SLC24A2: variants seen among roughly 807,000 people sequenced by gnomAD.
The protein encoded by SLC24A2 is solute carrier family 24 member 2.
A neutral mutation model predicts 62.0 loss-of-function variants in SLC24A2; 36 were observed. That is an observed-to-expected ratio of 0.58 (90% CI 0.44 to 0.77). The LOEUF (loss-of-function observed/expected upper bound fraction) is 0.77, where lower values mean the gene tolerates loss of function less well. Among genes scored for constraint, SLC24A2 ranks in the 30% least tolerant of loss-of-function variants. The pLI, the probability that SLC24A2 is intolerant of heterozygous loss-of-function variation, is 0.00. For missense variants in SLC24A2, 846 were observed against 817.9 expected (o/e 1.03, Z -0.42); for synonymous variants, 358 against 294.0 (o/e 1.22, Z -2.23).
At chr9:20,260,845 C>CTTTTTTTTTTTTTTTTTTTT in the SLC24A2 span, among the ~76,000 whole-genome samples, 2 of 110,516 alleles carry the variant, frequency 1.8e-5, no homozygotes, top group African/African-American at 7.4e-5. Flanking sequence ...ACGTATCATT[C>CTTTTTTTTTTTTTTTTTTTT]TTTCTTTTTT....
rs1308540986 is a variant in SLC24A2 at position 19,632,905 on chromosome 9, A to G, written c.931-10606T>C. Among the ~76,000 whole-genome samples, 1 of 152,188 alleles carries G rather than the reference A, an allele frequency of 6.6e-6. No individual in the cohort carries two copies. Among genetic ancestry groups the G allele is most frequent in the Non-Finnish European group, 1.5e-5 (1 of 68,036 alleles). On this transcript the variant is annotated intron_variant, in intron 2 of 10. Coordinates refer to ENST00000341998, the MANE Select transcript of SLC24A2 (RefSeq NM_020344.4). This position sits in a 1 kb window ranked among gnomAD's most constrained non-coding sequence, Gnocchi z 4.5. ...GTAGCTTCATGTAACCACCACTGCA[A>G]TCAAGATAATTAACTATAACATCAT...
the SLC24A2 span, among the ~76,000 whole-genome samples, chr9:19,915,830 TATATG>T: frequency 6.6e-6 from 1 of 152,064 alleles, no homozygotes; most frequent in African/African-American, 2.4e-5. Context: ...ATTCTGGATA[TATATG>T]ATATATTATT....
intron 2 of SLC24A2, among the ~76,000 whole-genome samples, chr9:19,719,392 C>G (rs1301741947): frequency 1.3e-5 from 2 of 152,170 alleles, no homozygotes. Context: ...CTAGACTACT[C>G]CACATCATGT....
chr9:19,675,764 C>T (rs548037227), intron 2 of SLC24A2, among the ~76,000 whole-genome samples: 2 of 152,238 alleles, frequency 1.3e-5, no homozygotes, highest in South Asian at 2.1e-4. Flanking sequence ...TGGAAACCTA[C>T]CCCAGGCTGA....
the SLC24A2 span, among the ~76,000 whole-genome samples, chr9:20,013,398 C>T: frequency 6.6e-6 from 1 of 152,046 alleles, no homozygotes; most frequent in South Asian, 2.1e-4. Flanking sequence ...CTACACTATA[C>T]ACAAAAATCA....
chr9:20,211,145 G>C, the SLC24A2 span, among the ~76,000 whole-genome samples: 1 of 151,844 alleles, frequency 6.6e-6, no homozygotes, highest in South Asian at 2.1e-4. Flanking sequence ...ATAAGCATTT[G>C]CTATCCTGAT....
chr9:20,234,695 G>C, the SLC24A2 span, among the ~76,000 whole-genome samples: 1 of 151,874 alleles, frequency 6.6e-6, no homozygotes, highest in East Asian at 1.9e-4. Flanking sequence ...GCTCAGAGTA[G>C]TTTGATCATC....
chr9:19,961,648 A>G, the SLC24A2 span, among the ~76,000 whole-genome samples: 1 of 152,160 alleles, frequency 6.6e-6, no homozygotes, highest in Non-Finnish European at 1.5e-5. Context: ...TCTTCCTGTC[A>G]AGTGTGGATT....
the SLC24A2 span, among the ~76,000 whole-genome samples, chr9:20,208,278 T>G: frequency 1.3e-5 from 2 of 152,142 alleles, no homozygotes; most frequent in East Asian, 3.9e-4. Context: ...AGCAGGCATT[T>G]GCCAGCTTTA....
the SLC24A2 span, among the ~76,000 whole-genome samples, chr9:20,035,052 AC>A: frequency 0.014 from 2,132 of 152,224 alleles, 31 homozygotes; most frequent in Non-Finnish European, 0.02. Context: ...AGAAAAAAGT[AC>A]CATATTATTA....
chr9:19,906,515 T>A, the SLC24A2 span, among the ~76,000 whole-genome samples: 2 of 151,944 alleles, frequency 1.3e-5, no homozygotes, highest in Admixed American at 6.6e-5. Context: ...CAAAAAACCC[T>A]TCAAAAAATC....
chr9:19,804,198 C>T, the SLC24A2 span, among the ~76,000 whole-genome samples: 2 of 152,104 alleles, frequency 1.3e-5, no homozygotes, highest in African/African-American at 4.8e-5. Context: ...TTGTGTTGAA[C>T]TGGTAGATCA....
At chr9:19,586,714 G>C (rs1836382690) in intron 5 of SLC24A2, among the ~76,000 whole-genome samples, 2 of 152,152 alleles carry the variant, frequency 1.3e-5, no homozygotes, top group African/African-American at 4.8e-5. Context: ...CCAACTTACT[G>C]ATCGTGGCCG....
At chr9:19,562,824 C>G (rs1446775184) in intron 7 of SLC24A2, among the ~76,000 whole-genome samples, 3 of 152,102 alleles carry the variant, frequency 2.0e-5, no homozygotes, top group Non-Finnish European at 4.4e-5. Context: ...CCAATCTAGG[C>G]TGGATTATGG....
Position 19,512,432 on chromosome 9 carries a change from A to T in SLC24A2, c.*3721T>A, listed in dbSNP as rs1203135632. 7 of 152,268 alleles carry T rather than the reference A, an allele frequency of 4.6e-5. No individual in the cohort carries two copies. Among genetic ancestry groups the T allele is most frequent in the Non-Finnish European group, 1.0e-4 (7 of 68,084 alleles). 9.4% of individuals were successfully genotyped at this position (152,268 alleles called of 1,614,324 possible). On this transcript the variant is annotated 3_prime_UTR_variant, in exon 11 of 11. Transcript: ENST00000341998. ...ATCTGCCGAGGGTATAAACAACCCT[A>T]TCCCTTAGTCCCTGCATATATCATT...
At chr9:19,988,190 C>G in the SLC24A2 span, among the ~76,000 whole-genome samples, 2 of 152,100 alleles carry the variant, frequency 1.3e-5, no homozygotes, top group Non-Finnish European at 2.9e-5. Context: ...CCTCCTTAGT[C>G]TTCCCAGACA....
chr9:19,718,611 A>C (rs1820935634), intron 2 of SLC24A2, among the ~76,000 whole-genome samples: 1 of 151,942 alleles, frequency 6.6e-6, no homozygotes, highest in Admixed American at 6.6e-5. Flanking sequence ...GCGCCCAGCC[A>C]ATTTAACACT....
At chr9:19,614,377 T>C (rs1452183177) in intron 4 of SLC24A2, among the ~76,000 whole-genome samples, 1 of 152,224 alleles carries the variant, frequency 6.6e-6, no homozygotes, top group Non-Finnish European at 1.5e-5. Context: ...TGTTCAGCTA[T>C]GTTTGAACTA....
At chr9:20,127,037 C>A in the SLC24A2 span, among the ~76,000 whole-genome samples, 3 of 151,978 alleles carry the variant, frequency 2.0e-5, no homozygotes, top group African/African-American at 7.2e-5. Flanking sequence ...CTCTTTTTTT[C>A]TATAGATTTT....
Sources: allele counts gnomAD v4.1 joint callset (sites outside exome capture counted in the v4.1 genomes callset), GRCh38; gene constraint gnomAD v4.1.1; non-coding constraint Gnocchi (gnomAD v3.1); transcripts MANE v1.5; gene names NCBI Gene and HGNC (gene_info 2026-07-23, HGNC 2026-07-21).